The following WDR19 variants were observed in gnomAD, a reference collection of about 807,000 sequenced individuals.
WDR19 encodes the protein WD repeat-containing protein 19.
WDR19 carries 121 observed loss-of-function variants against 180.0 expected under a neutral mutation model. The ratio of observed to expected loss-of-function variants is 0.67; its 90% CI spans 0.58 to 0.78. The LOEUF (loss-of-function observed/expected upper bound fraction) is 0.78. WDR19 is among the 30% of genes least tolerant of loss of function. The probability of loss-of-function intolerance (pLI) is 0.00; values close to 1 mark genes in which losing one functional copy is unlikely to be tolerated. For synonymous variants in WDR19, 497 were observed against 540.7 expected, an observed-to-expected ratio of 0.92 and a Z score of 1.12; for missense variants, 1,450 against 1,640.7, an observed-to-expected ratio of 0.88 and a Z score of 2.01.
At chr4:39,283,713 T>C (rs1350208336) in intron 36 of WDR19, among the ~76,000 whole-genome samples, 2 of 152,196 alleles carry the variant, frequency 1.3e-5, no homozygotes, top group Non-Finnish European at 2.9e-5. Context: ...AAAAATACAA[T>C]GTAGCTTTAC....
Position 39,273,054 on chromosome 4 carries a change from T to G in WDR19, c.3558T>G (p.Phe1186Leu). The G allele has an allele frequency of 6.2e-7, 1 of 1,603,266 alleles. No individual in the cohort carries two copies. The change falls in exon 32 of 37, where the codon TTT becomes TTG. Residue 1186 changes from phenylalanine (F) to leucine (L), a missense_variant. Physicochemically the swap from Phe to Leu is conservative, Grantham distance 22. Transcript: ENST00000399820. ...LIRVANNISK[F>L]PSHIVPILTS... ...GGGTGGCCAACAACATCAGCAAATT[T>G]CCATCACGTAAGTACCACTGACCAG...
At chr4:39,243,271 T>G (rs1038058895) in intron 21 of WDR19, among the ~76,000 whole-genome samples, 1 of 152,184 alleles carries the variant, frequency 6.6e-6, no homozygotes, top group Non-Finnish European at 1.5e-5. Flanking sequence ...TTGTAGTAAT[T>G]CACACACACT....
chr4:39,213,778 G>A (rs1205839305), intron 9 of WDR19, among the ~76,000 whole-genome samples: 1 of 152,126 alleles, frequency 6.6e-6, no homozygotes, highest in African/African-American at 2.4e-5. Flanking sequence ...AAGATTTGTG[G>A]TTTCTATCAA....
At position 39,199,352 on chromosome 4, in the gene WDR19, A is replaced by G. The variant is rs568157299; in HGVS notation, c.407-126A>G. 4.4e-6 allele frequency: 3 copies of G among 684,184 alleles called. No homozygotes were observed. In the East Asian group the frequency reaches 8.2e-5, roughly 19 times the overall value. The allele number at this position is 684,184 out of a possible 1,614,324, so 42.4% of individuals were successfully genotyped here. ...AACTGTTTTAAATAAGGTTGCGTAGACATTAACTGCTTTGATGAAATTCTA... is the reference window on the plus strand; with the variant it reads ...AACTGTTTTAAATAAGGTTGCGTAGGCATTAACTGCTTTGATGAAATTCTA... On this transcript the variant is annotated intron_variant, in intron 5 of 36. Transcript: ENST00000399820.
At chr4:39,277,439 G>A (rs912019223) in intron 34 of WDR19, among the ~76,000 whole-genome samples, 1 of 152,170 alleles carries the variant, frequency 6.6e-6, no homozygotes, top group African/African-American at 2.4e-5. Context: ...AGATTGACGA[G>A]CTACACAATT....
chr4:39,206,878 G>A (rs1560492283), intron 9 of WDR19, among the ~76,000 whole-genome samples: 1 of 152,206 alleles, frequency 6.6e-6, no homozygotes, highest in South Asian at 2.1e-4. Context: ...ACCCAGCCAG[G>A]TTGATGGCCT....
At chr4:39,186,780 A>G (rs1460895176) in intron 3 of WDR19, among the ~76,000 whole-genome samples, 176 bp downstream of exon 3, 3 of 152,194 alleles carry the variant, frequency 2.0e-5, no homozygotes, top group African/African-American at 4.8e-5. Context: ...CATGAATTAG[A>G]GTTTCTATCT....
intron 21 of WDR19, among the ~76,000 whole-genome samples, chr4:39,240,991 A>G (rs1453517609): frequency 6.6e-6 from 1 of 150,982 alleles, no homozygotes; most frequent in Non-Finnish European, 1.5e-5. Context: ...AACCATTTTG[A>G]AAGTGAATTT....
intron 24 of WDR19, among the ~76,000 whole-genome samples, chr4:39,247,667 G>T (rs914109362): frequency 6.6e-6 from 1 of 152,178 alleles, no homozygotes; most frequent in Non-Finnish European, 1.5e-5. Context: ...TAAAGGACCC[G>T]ATGGAGTGAA....
At chr4:39,223,419 T>C (rs7677814) in intron 14 of WDR19, among the ~76,000 whole-genome samples, 148,668 of 152,336 alleles carry the variant, frequency 0.98, 72,642 homozygotes, top group Middle Eastern at 1. Context: ...CAACCTCCAC[T>C]TCCTGGGTTC....
intron 31 of WDR19, among the ~76,000 whole-genome samples, chr4:39,270,568 G>A (rs953753363): frequency 1.3e-5 from 2 of 152,026 alleles, no homozygotes; most frequent in Non-Finnish European, 2.9e-5. Flanking sequence ...AGTAGATATG[G>A]GGTTTCACCA....
intron 14 of WDR19, among the ~76,000 whole-genome samples, chr4:39,224,583 A>G (rs1282699853): frequency 2.0e-5 from 3 of 151,750 alleles, no homozygotes; most frequent in Non-Finnish European, 4.4e-5. Flanking sequence ...GTTTCACCAT[A>G]TTGGCCAGGC....
intron 4 of WDR19, among the ~76,000 whole-genome samples, chr4:39,191,420 C>T (rs1484327527): frequency 6.6e-6 from 1 of 152,140 alleles, no homozygotes; most frequent in Non-Finnish European, 1.5e-5. Flanking sequence ...CTTTTGAGCA[C>T]TTCAAACACC....
chr4:39,192,517 T>C (rs1726272234), intron 4 of WDR19, among the ~76,000 whole-genome samples: 1 of 152,216 alleles, frequency 6.6e-6, no homozygotes. Context: ...TTGCCCAGGC[T>C]GGAGTGCAGT....
rs1228383742 is a variant in WDR19, at chr4:39,285,537, C to T, written c.*64C>T. Reference sequence around the variant, plus strand: ...TTTTCCACAGGAGGCTGTTTCCTCCCCTGGTGGATTTAAGAGACGGTCCTT... The same window carrying T: ...TTTTCCACAGGAGGCTGTTTCCTCCTCTGGTGGATTTAAGAGACGGTCCTT... On this transcript the variant is annotated 3_prime_UTR_variant, in exon 37 of 37. Transcript: ENST00000399820. 1 of 152,172 alleles carries T rather than the reference C, an allele frequency of 6.6e-6. No individual in the cohort carries two copies. The highest frequency in any genetic ancestry group is 1.5e-5 in the Non-Finnish European group (1 of 68,042). The allele number at this position is 152,172 out of a possible 1,614,324, so 9.4% of individuals were successfully genotyped here.
chr4:39,273,044 T>A lies in WDR19; in HGVS notation c.3548T>A (p.Ile1183Asn). 2 of 1,604,566 alleles carry A rather than the reference T, an allele frequency of 1.2e-6. No homozygotes were observed. The highest frequency in any genetic ancestry group is 8.5e-7 in the Non-Finnish European group (1 of 1,175,686). The part of the protein sequence containing the change: ...ARMLIRVANN[I>N]SKFPSHIVPI... ...ATGCTCATTCGGGTGGCCAACAACA[T>A]CAGCAAATTTCCATCACGTAAGTAC... The change falls in exon 32 of 37, where the codon ATC becomes AAC. Residue 1183 changes from isoleucine to asparagine, a missense_variant. Coordinates refer to ENST00000399820, the MANE Select transcript of WDR19 (RefSeq NM_025132.4).
rs1321810450 is a variant in WDR19 at position 39,216,022 on chromosome 4, A to G, written c.1134+9A>G. On this transcript the variant is annotated intron_variant, in intron 11 of 36. Transcript: ENST00000399820. The stretch of plus-strand genomic sequence containing the variant: ...CCAACCCTGTTGAAGGAGTATGAAA[A>G]TGGTGTTATTTTTCTTTTATTTATT... 1.3e-6 allele frequency: 2 copies of G among 1,564,288 alleles called. No homozygotes were observed. The highest frequency in any genetic ancestry group is 1.7e-6 in the Non-Finnish European group (2 of 1,156,932).
At chr4:39,204,022 T>C (rs1264920194) in intron 7 of WDR19, among the ~76,000 whole-genome samples, 1 of 152,118 alleles carries the variant, frequency 6.6e-6, no homozygotes, top group Non-Finnish European at 1.5e-5. Context: ...ATATATTATT[T>C]TTAAAATTTT....
At chr4:39,253,828 T>C in intron 25 of WDR19, 78 bp from the exon 26 acceptor site, 1 of 1,290,426 alleles carries the variant, frequency 7.7e-7, no homozygotes, top group Non-Finnish European at 1.1e-6. Flanking sequence ...GATTTTTAAA[T>C]GGTTTCTCCT....
Sources: allele counts gnomAD v4.1 joint callset (sites outside exome capture counted in the v4.1 genomes callset), GRCh38; gene constraint gnomAD v4.1.1; transcripts MANE v1.5; gene names NCBI Gene and HGNC (gene_info 2026-07-23, HGNC 2026-07-21).